The following CWC27 variants were observed in gnomAD, a reference collection of about 807,000 sequenced individuals.
The protein encoded by CWC27 is CWC27 spliceosome associated cyclophilin, also known as spliceosome-associated protein CWC27 homolog.
A neutral mutation model predicts 63.6 loss-of-function variants in CWC27; 47 were observed. That is an observed-to-expected ratio of 0.74 (90% CI 0.58 to 0.94). The LOEUF is 0.94. Ranked by LOEUF, CWC27 falls within the 40% of genes least tolerant of loss-of-function variation. The probability of loss-of-function intolerance (pLI) is 0.00; values close to 1 mark genes in which losing one functional copy is unlikely to be tolerated. For synonymous variants in CWC27, 175 were observed against 179.8 expected, an observed-to-expected ratio of 0.97 and a Z score of 0.22; for missense variants, 495 against 554.3, an observed-to-expected ratio of 0.89 and a Z score of 1.07.
intron 11 of CWC27, among the ~76,000 whole-genome samples, chr5:64,919,473 C>T (rs1429853317): frequency 6.6e-6 from 1 of 152,100 alleles, no homozygotes; most frequent in African/African-American, 2.4e-5. Context: ...GAGCATAGTA[C>T]CCTATAGGTA....
In CWC27 at chr5:64,846,953, C is replaced by T. The variant is rs369807595; in HGVS notation, c.939-38490C>T. Among the ~76,000 whole-genome samples, 84 of 138,826 alleles carry T rather than the reference C, an allele frequency of 6.1e-4. No individual in the cohort carries two copies. The South Asian group carries it at 0.013, about 22-fold the overall frequency. The allele number at this position is 138,826 out of a possible 152,430, so 91.1% of individuals were successfully genotyped here. A position where few individuals can be genotyped will look rare whatever the true frequency, so the allele number is the denominator to read the frequency against. Reference sequence around the variant, plus strand: ...AGGTTGCAGTGAGCCAGGATCACACCACTGCACTCCAGTCTGGGTGACAGA... The same window carrying T: ...AGGTTGCAGTGAGCCAGGATCACACTACTGCACTCCAGTCTGGGTGACAGA... On this transcript the variant is annotated intron_variant, in intron 10 of 13. Coordinates refer to ENST00000381070, the MANE Select transcript of CWC27 (RefSeq NM_005869.4).
rs117950738 is a variant in CWC27, at chr5:64,881,753, G to A, written c.939-3690G>A. Reference sequence around the variant, plus strand: ...GTTCTACTCCCTCTACAATAGTATCGTAAACAGTCTATACTTTCTTTGCCT... The same window carrying A: ...GTTCTACTCCCTCTACAATAGTATCATAAACAGTCTATACTTTCTTTGCCT... On this transcript the variant is annotated intron_variant, in intron 10 of 13. Coordinates refer to ENST00000381070, the MANE Select transcript of CWC27 (RefSeq NM_005869.4). 2.3e-4 allele frequency among the ~76,000 whole-genome samples: 35 copies of A among 152,156 alleles called. No individual in the cohort carries two copies. The East Asian group carries it at 3.9e-3, about 17-fold the overall frequency.
intron 11 of CWC27, among the ~76,000 whole-genome samples, chr5:64,938,884 C>T (rs1032063624): frequency 6.6e-6 from 1 of 152,154 alleles, no homozygotes; most frequent in African/African-American, 2.4e-5. Context: ...TCCTTTCTTA[C>T]GCTTGATCGG....
chr5:64,821,319 A>G (rs1745192433), intron 10 of CWC27, among the ~76,000 whole-genome samples: 2 of 152,158 alleles, frequency 1.3e-5, no homozygotes, highest in Non-Finnish European at 2.9e-5. Context: ...TCTTGACCGC[A>G]TGAGCCACCA....
At chr5:64,873,537 G>GT (rs960636010) in intron 10 of CWC27, among the ~76,000 whole-genome samples, 2 of 151,538 alleles carry the variant, frequency 1.3e-5, no homozygotes, top group East Asian at 1.9e-4. Flanking sequence ...GGATTATTGG[G>GT]TTTTTTTATT....
At chr5:64,878,502 C>CAAAAAAAAAA (rs1580697424) in intron 10 of CWC27, among the ~76,000 whole-genome samples, 1 of 38,068 alleles carries the variant, frequency 2.6e-5, no homozygotes, top group Non-Finnish European at 4.6e-5. Flanking sequence ...AAAAAAAAAG[C>CAAAAAAAAAA]ACCTGTTAGT....
intron 13 of CWC27, among the ~76,000 whole-genome samples, chr5:64,984,713 A>G (rs535256868): frequency 6.6e-6 from 1 of 152,228 alleles, no homozygotes; most frequent in Admixed American, 6.5e-5. Context: ...TTTTTGGGAT[A>G]TGTTATTTGC....
chr5:64,851,407 G>A (rs1251707546), intron 10 of CWC27, among the ~76,000 whole-genome samples: 1 of 152,176 alleles, frequency 6.6e-6, no homozygotes, highest in Admixed American at 6.5e-5. Context: ...GGGAGGAATA[G>A]GGAGACGATG....
chr5:64,945,313 G>A (rs1441840927), intron 11 of CWC27, among the ~76,000 whole-genome samples: 1 of 151,932 alleles, frequency 6.6e-6, no homozygotes, highest in African/African-American at 2.4e-5. Flanking sequence ...ATTTTTGTCC[G>A]TTTTCTTTAT....
chr5:64,979,238 C>T (rs1749288022), intron 13 of CWC27, among the ~76,000 whole-genome samples: 1 of 152,152 alleles, frequency 6.6e-6, no homozygotes, highest in Non-Finnish European at 1.5e-5. Flanking sequence ...AAGTGGGGAA[C>T]AAGTTAAAGG....
chr5:64,882,438 G>T (rs1044920047), intron 10 of CWC27, among the ~76,000 whole-genome samples: 1 of 152,112 alleles, frequency 6.6e-6, no homozygotes, highest in East Asian at 1.9e-4. Flanking sequence ...ATTGAGATTT[G>T]CTATAAGTGT....
At chr5:64,872,644 G>A (rs576697965) in intron 10 of CWC27, among the ~76,000 whole-genome samples, 78 of 151,932 alleles carry the variant, frequency 5.1e-4, no homozygotes, top group Middle Eastern at 6.8e-3. Context: ...TTTTGATGTC[G>A]GTAAAGCAAA....
In CWC27 at chr5:65,011,371, G is replaced by A. The variant is rs181209644; in HGVS notation, c.1257-6788G>A. ...GACCAGAAGAGGGTCTTAACCCTGG[G>A]GGAGAAACAGCAGGTCAGATCAGGA... On this transcript the variant is annotated intron_variant, in intron 13 of 13. Coordinates refer to ENST00000381070, the MANE Select transcript of CWC27 (RefSeq NM_005869.4). Among the ~76,000 whole-genome samples, 450 of 152,302 alleles carry A rather than the reference G, an allele frequency of 3.0e-3. 3 individuals are homozygous for A. Among genetic ancestry groups the A allele is most frequent in the African/African-American group, 0.01 (422 of 41,562 alleles).
At chr5:65,013,133 G>A (rs1317643693) in intron 13 of CWC27, among the ~76,000 whole-genome samples, 1 of 152,170 alleles carries the variant, frequency 6.6e-6, no homozygotes, top group Non-Finnish European at 1.5e-5. Flanking sequence ...AGAACATAAG[G>A]CATGTTCCCA....
intron 11 of CWC27, among the ~76,000 whole-genome samples, chr5:64,928,467 A>G (rs1002390695): frequency 7.2e-5 from 11 of 152,200 alleles, no homozygotes; most frequent in African/African-American, 2.7e-4. Context: ...AACTTAGGGG[A>G]AAAGTCATAA....
chr5:65,018,348 G>A lies in CWC27; in HGVS notation c.*27G>A, dbSNP rs1297985258. 4.5e-6 allele frequency: 7 copies of A among 1,564,612 alleles called. No individual in the cohort carries two copies. The South Asian group carries it at 6.2e-5, about 14-fold the overall frequency. ...ATGAGAATAATGATAACCAGAACTTGCTGGAAATGTGCCTACAATGGCCTT... is the reference window on the plus strand; with the variant it reads ...ATGAGAATAATGATAACCAGAACTTACTGGAAATGTGCCTACAATGGCCTT... On this transcript the variant is annotated 3_prime_UTR_variant, in exon 14 of 14. Coordinates refer to ENST00000381070, the MANE Select transcript of CWC27 (RefSeq NM_005869.4).
chr5:64,804,282 G>A lies in CWC27; in HGVS notation c.834G>A (p.Lys278=), dbSNP rs892378517. Residue 278 remains lysine, a synonymous_variant, in exon 10 of 14, where the codon AAG becomes AAA. Transcript: ENST00000381070. ...EHDEYIDGDE[K]NLMRERIAKK... ...ATGAATATATTGATGGTGATGAAAA[G>A]AACCTGATGAGAGAAAGAATTGCCA... The A allele has an allele frequency of 4.3e-6, 7 of 1,612,954 alleles. No individual in the cohort carries two copies. The highest frequency in any genetic ancestry group is 5.9e-6 in the Non-Finnish European group (7 of 1,179,472).
At chr5:64,930,748 C>A (rs1183474795) in intron 11 of CWC27, among the ~76,000 whole-genome samples, 2 of 152,082 alleles carry the variant, frequency 1.3e-5, no homozygotes, top group African/African-American at 4.8e-5. Flanking sequence ...CCGTAAAACA[C>A]CTTGACTGAC....
intron 10 of CWC27, among the ~76,000 whole-genome samples, chr5:64,878,003 A>C (rs1746836994): frequency 6.6e-6 from 1 of 151,976 alleles, no homozygotes; most frequent in South Asian, 2.1e-4. Flanking sequence ...ATGCCAAATC[A>C]AAAGGAATTA....
Sources: allele counts gnomAD v4.1 joint callset (sites outside exome capture counted in the v4.1 genomes callset), GRCh38; gene constraint gnomAD v4.1.1; transcripts MANE v1.5; gene names NCBI Gene and HGNC (gene_info 2026-07-23, HGNC 2026-07-21).